CYYR1: variants seen among roughly 807,000 people sequenced by gnomAD.
CYYR1 encodes cysteine and tyrosine rich 1.
Under a neutral mutation model 15.2 loss-of-function variants are expected in CYYR1, and 14 were observed. That is an observed-to-expected ratio of 0.92 (90% CI 0.61 to 1.44). The LOEUF is 1.44. CYYR1 is among the 40% of genes most tolerant of loss of function. The probability of loss-of-function intolerance (pLI) is 0.00; values close to 1 mark genes in which losing one functional copy is unlikely to be tolerated. For missense variants in CYYR1, 228 were observed against 209.5 expected (o/e 1.09, Z -0.54); for synonymous variants, 80 against 77.4 (o/e 1.03, Z -0.18).
chr21:26,476,551 T>A (rs1037662455), intron 3 of CYYR1, among the ~76,000 whole-genome samples: 1 of 151,586 alleles, frequency 6.6e-6, no homozygotes, highest in Non-Finnish European at 1.5e-5. Flanking sequence ...AAGAGCCCCA[T>A]TCCCCTCTCC....
At chr21:26,508,803 G>T (rs1459596848) in intron 2 of CYYR1, among the ~76,000 whole-genome samples, 5 of 152,056 alleles carry the variant, frequency 3.3e-5, no homozygotes, top group Non-Finnish European at 7.4e-5. Context: ...TAACTTTATG[G>T]CAAGTGTTTC....
At chr21:26,497,860 T>C (rs1310805421) in intron 2 of CYYR1, among the ~76,000 whole-genome samples, 1 of 152,164 alleles carries the variant, frequency 6.6e-6, no homozygotes, top group Non-Finnish European at 1.5e-5. Context: ...GGTGACCACT[T>C]CCCTTCAGCA....
At chr21:26,539,950 C>A (rs1172161143) in intron 2 of CYYR1, among the ~76,000 whole-genome samples, 2 of 152,102 alleles carry the variant, frequency 1.3e-5, no homozygotes, top group African/African-American at 4.8e-5. Context: ...ATCTCCTTTT[C>A]TCTGATTTAA....
intron 2 of CYYR1, among the ~76,000 whole-genome samples, chr21:26,561,604 C>T (rs1291757239): frequency 6.6e-6 from 1 of 152,012 alleles, no homozygotes; most frequent in Non-Finnish European, 1.5e-5. Context: ...CCAGGATCTC[C>T]ATTATTAGTT....
At chr21:26,512,093 G>A (rs1171236459) in intron 2 of CYYR1, among the ~76,000 whole-genome samples, 1 of 151,914 alleles carries the variant, frequency 6.6e-6, no homozygotes, top group Non-Finnish European at 1.5e-5. Flanking sequence ...TTCTTATACA[G>A]ACAAAACTGC....
chr21:26,532,899 TGTC>T (rs904601656), intron 2 of CYYR1, among the ~76,000 whole-genome samples: 4 of 152,098 alleles, frequency 2.6e-5, no homozygotes, highest in African/African-American at 4.8e-5. Context: ...TATTAAAAAA[TGTC>T]GTATAAAATT....
chr21:26,550,738 AGT>A (rs1391151632), intron 2 of CYYR1: 2 of 152,238 alleles, frequency 1.3e-5, no homozygotes, highest in Non-Finnish European at 2.9e-5. Context: ...ATGCTAGAAG[AGT>A]CGGTTCAGGA....
chr21:26,493,864 C>T (rs990817142), intron 2 of CYYR1, among the ~76,000 whole-genome samples: 1 of 152,166 alleles, frequency 6.6e-6, no homozygotes, highest in African/African-American at 2.4e-5. Context: ...TGCATATCTA[C>T]TCTTTAATAC....
At chr21:26,493,376 A>C (rs1321855201) in intron 2 of CYYR1, among the ~76,000 whole-genome samples, 1 of 152,206 alleles carries the variant, frequency 6.6e-6, no homozygotes, top group Admixed American at 6.5e-5. Flanking sequence ...ACTGTTGTAA[A>C]TATCTGGACA....
Position 26,572,863 on chromosome 21 carries a change from C to T in CYYR1, c.73+5G>A, listed in dbSNP as rs780282523. The T allele has an allele frequency of 5.0e-6, 8 of 1,613,782 alleles. No individual in the cohort carries two copies. The Admixed American group carries it at 1.0e-4, about 20-fold the overall frequency. ...TGACCCTCTCCGCCGCCCTCCGTCACTGACCTGCGTAGACAAAGAGCAGGA... is the reference window on the plus strand; with the variant it reads ...TGACCCTCTCCGCCGCCCTCCGTCATTGACCTGCGTAGACAAAGAGCAGGA... On this transcript the variant is annotated splice_donor_5th_base_variant and intron_variant, in intron 1 of 3. Transcript: ENST00000652641.
At chr21:26,476,290 A>G (rs1050305745) in intron 3 of CYYR1, among the ~76,000 whole-genome samples, 1 of 152,144 alleles carries the variant, frequency 6.6e-6, no homozygotes, top group Non-Finnish European at 1.5e-5. Context: ...CCTCAGAGTA[A>G]CACACTCAAA....
rs1310623406 is a variant in CYYR1, at chr21:26,467,037, A to G, written c.*1464T>C. 6.6e-6 allele frequency: 1 copy of G among 152,180 alleles called. No homozygotes were observed. The highest frequency in any genetic ancestry group is 1.5e-5 in the Non-Finnish European group (1 of 68,004). The allele number at this position is 152,180 out of a possible 1,614,324, so 9.4% of individuals were successfully genotyped here. On this transcript the variant is annotated 3_prime_UTR_variant, in exon 4 of 4. Transcript: ENST00000652641. ...CTTATCTGCAAGTACAGGTACTATA[A>G]CTTACACCTTAAAATGCTTTGTTTG...
chr21:26,515,523 G>T (rs1601779043), intron 2 of CYYR1, among the ~76,000 whole-genome samples: 1 of 151,868 alleles, frequency 6.6e-6, no homozygotes, highest in African/African-American at 2.4e-5. Flanking sequence ...ATCATGCCCG[G>T]CTAATTTTTT....
intron 2 of CYYR1, among the ~76,000 whole-genome samples, chr21:26,481,701 T>C (rs529928375): frequency 2.0e-5 from 3 of 152,198 alleles, no homozygotes; most frequent in East Asian, 3.9e-4. Context: ...TGCATGCATG[T>C]GTCTTTATGG....
intron 2 of CYYR1, among the ~76,000 whole-genome samples, chr21:26,510,458 A>G (rs1344757952): frequency 6.6e-6 from 1 of 152,222 alleles, no homozygotes; most frequent in Non-Finnish European, 1.5e-5. Context: ...ATTCAGATGT[A>G]TAACAAACAC....
At chr21:26,557,180 G>C (rs1402206176) in intron 2 of CYYR1, among the ~76,000 whole-genome samples, 1 of 152,090 alleles carries the variant, frequency 6.6e-6, no homozygotes, top group African/African-American at 2.4e-5. Context: ...TTTACACATC[G>C]GTGACAGAGA....
chr21:26,501,796 G>A (rs2065485011), intron 2 of CYYR1, among the ~76,000 whole-genome samples: 1 of 152,104 alleles, frequency 6.6e-6, no homozygotes, highest in Non-Finnish European at 1.5e-5. Context: ...CTGAAGTGCT[G>A]TAAGAATTAA....
At chr21:26,564,789 CA>C in intron 2 of CYYR1, 1 of 1,247,300 alleles carries the variant, frequency 8.0e-7, no homozygotes, top group South Asian at 1.4e-5. Flanking sequence ...TCACATTCTC[CA>C]AGTTATACTC....
intron 2 of CYYR1, among the ~76,000 whole-genome samples, chr21:26,495,908 C>T (rs1360274039): frequency 6.6e-6 from 1 of 152,134 alleles, no homozygotes; most frequent in Non-Finnish European, 1.5e-5. Context: ...CGTTAGTAGG[C>T]AGATGAAACT....
Sources: allele counts gnomAD v4.1 joint callset (sites outside exome capture counted in the v4.1 genomes callset), GRCh38; gene constraint gnomAD v4.1.1; transcripts MANE v1.5; gene names NCBI Gene and HGNC (gene_info 2026-07-23, HGNC 2026-07-21).